EMILIN1: variants seen among roughly 807,000 people sequenced by gnomAD.
EMILIN1 encodes elastin microfibril interfacer 1, also known as EMILIN-1.
Under a neutral mutation model 82.4 loss-of-function variants are expected in EMILIN1, and 49 were observed. That is an observed-to-expected ratio of 0.59 (90% CI 0.47 to 0.75). EMILIN1 has a LOEUF of 0.75. EMILIN1 is among the 30% of genes least tolerant of loss of function. The pLI is 0.00. For synonymous variants in EMILIN1, 604 were observed against 602.2 expected (o/e 1.00, Z -0.04); for missense variants, 1,313 against 1,366.4 (o/e 0.96, Z 0.62).
At chr2:27,080,031 T>C in intron 1 of EMILIN1, 120 bp from the exon 2 acceptor site, 1 of 1,155,756 alleles carries the variant, frequency 8.7e-7, no homozygotes, top group South Asian at 1.5e-5. Flanking sequence ...GCCCTTGCTC[T>C]CACTGATCCC....
chr2:27,079,392 G>A (rs1028833716), intron 1 of EMILIN1, among the ~76,000 whole-genome samples, 157 bp downstream of exon 1: 1 of 152,176 alleles, frequency 6.6e-6, no homozygotes, highest in Non-Finnish European at 1.5e-5. Flanking sequence ...TTCCCACGGG[G>A]CCTTTTCCAG....
chr2:27,084,374 T>G, intron 4 of EMILIN1, 41 bp from the exon 5 acceptor site: 2 of 1,249,280 alleles, frequency 1.6e-6, no homozygotes, highest in African/African-American at 3.0e-5. Context: ...CATTGGAAAC[T>G]CCTTTTATGG....
chr2:27,083,978 C>A lies in EMILIN1; in HGVS notation c.2407C>A (p.Arg803Ser). The change falls in exon 4 of 8, where the codon CGT becomes AGT. Residue 803 changes from arginine (R) to serine (S), a missense_variant. By Grantham distance (110) the Arg-to-Ser change is moderately radical (BLOSUM62 -1). Coordinates refer to ENST00000380320, the MANE Select transcript of EMILIN1 (RefSeq NM_007046.4). The stretch of plus-strand genomic sequence containing the variant: ...CAGCTCCCTGCAGCTCCTGGAGGAC[C>A]GTCTGCACCAGCTCAGCCTGAAGGA... ...LNSSLQLLED[R>S]LHQLSLKDLT... is the part of the protein sequence containing the mutation. The A allele has an allele frequency of 6.5e-7, 1 of 1,538,688 alleles. No homozygotes were observed. The highest frequency in any genetic ancestry group is 1.2e-5 in the South Asian group (1 of 80,698).
rs533060824 is a variant in EMILIN1 at position 27,084,581 on chromosome 2, C to G, written c.2557+50C>G. ...CAGTCAGGGTTGCCACTGCCCCCTC[C>G]AACCCTGACCCCCGCTGGCAGCCCC... On this transcript the variant is annotated intron_variant, in intron 5 of 7. Transcript: ENST00000380320. 6 of 1,110,348 alleles carry G rather than the reference C, an allele frequency of 5.4e-6. No individual in the cohort carries two copies. The African/African-American group carries it at 9.2e-5, about 17-fold the overall frequency. 68.8% of individuals were successfully genotyped at this position (1,110,348 alleles called of 1,614,324 possible).
chr2:27,079,120 G>C lies in EMILIN1; in HGVS notation c.55G>C (p.Ala19Pro). ...CCTCTGCTGCCTGCTGACGGCAGCTGCAGGGGCCGCCAGCTACCCTCCTCG... is the reference window on the plus strand; with the variant it reads ...CCTCTGCTGCCTGCTGACGGCAGCTCCAGGGGCCGCCAGCTACCCTCCTCG... ...CYLCCLLTAA[A>P]GAASYPPRGF... The change falls in exon 1 of 8, where the codon GCA (alanine) becomes CCA (proline). Residue 19 changes from alanine to proline, a missense_variant. By Grantham distance (27) the Ala-to-Pro change is conservative (BLOSUM62 -1). Coordinates refer to ENST00000380320, the MANE Select transcript of EMILIN1 (RefSeq NM_007046.4). 2 of 1,604,952 alleles carry C rather than the reference G, an allele frequency of 1.2e-6. No individual in the cohort carries two copies. Among genetic ancestry groups the C allele is most frequent in the Non-Finnish European group, 1.7e-6 (2 of 1,176,170 alleles).
intron 4 of EMILIN1, 30 bp from the exon 5 acceptor site, chr2:27,084,385 C>A (rs757413724): frequency 8.1e-7 from 1 of 1,229,740 alleles, no homozygotes; most frequent in Non-Finnish European, 1.2e-6. Context: ...CCTTTTATGG[C>A]CCTCCTTCAA....
At position 27,082,847 on chromosome 2, in the gene EMILIN1, G is replaced by A. The variant is rs1487597063; in HGVS notation, c.1276G>A (p.Glu426Lys). 2 of 1,580,370 alleles carry A rather than the reference G, an allele frequency of 1.3e-6. No individual in the cohort carries two copies. The highest frequency in any genetic ancestry group is 1.8e-5 in the Admixed American group (1 of 55,992). The change falls in exon 4 of 8, where the codon GAG becomes AAG. Residue 426 changes from glutamate (E) to lysine (K), a missense_variant. Glu to Lys is a moderately conservative substitution (Grantham distance 56). Transcript: ENST00000380320. The part of the protein sequence containing the change: ...STLGPSEEQE[E>K]SWPGAPGGLS... The stretch of plus-strand genomic sequence containing the variant: ...CCTGGGCCCTTCGGAGGAGCAGGAG[G>A]AGAGCTGGCCTGGGGCTCCTGGGGG...
In EMILIN1 at chr2:27,085,902, G is replaced by A. The variant is rs752082598; in HGVS notation, c.2938G>A (p.Gly980Arg). 2 of 1,566,950 alleles carry A rather than the reference G, an allele frequency of 1.3e-6. No homozygotes were observed. The highest frequency in any genetic ancestry group is 2.4e-5 in the East Asian group (1 of 42,190). Residue 980 changes from glycine (G) to arginine (R), a missense_variant, in exon 8 of 8, where the codon GGG (glycine) becomes AGG (arginine). Coordinates refer to ENST00000380320, the MANE Select transcript of EMILIN1 (RefSeq NM_007046.4). ...VFSLILPLQA[G>R]DTVCVDLVMG... ...CAGCCTCATCCTGCCGCTGCAGGCC[G>A]GGGACACGGTCTGCGTCGACCTGGT... is the stretch of plus-strand genomic sequence containing the variant.
At chr2:27,080,449 C>T (rs896142966) in intron 2 of EMILIN1, among the ~76,000 whole-genome samples, 179 bp downstream of exon 2, 4 of 152,198 alleles carry the variant, frequency 2.6e-5, no homozygotes, top group Non-Finnish European at 2.9e-5. Flanking sequence ...TGAGGGCAAA[C>T]CTGCCTCACG....
At position 27,085,738 on chromosome 2, in the gene EMILIN1, G is replaced by A. The variant is rs143086287; in HGVS notation, c.2774G>A (p.Arg925Gln). ...YLLSAVLTGH[R>Q]HEKVEAVLSR... ...CTGAGCGCGGTGCTGACTGGGCACC[G>A]GCACGAGAAAGTGGAGGCCGTGCTG... Residue 925 changes from arginine (R) to glutamine (Q), a missense_variant, in exon 8 of 8, where the codon CGG becomes CAG. By Grantham distance (43) the Arg-to-Gln change is conservative. Coordinates refer to ENST00000380320, the MANE Select transcript of EMILIN1 (RefSeq NM_007046.4). The A allele has an allele frequency of 6.2e-6, 10 of 1,610,338 alleles. No individual in the cohort carries two copies. The African/African-American group carries it at 1.3e-4, about 22-fold the overall frequency.
chr2:27,085,273 G>A lies in EMILIN1; in HGVS notation c.2689G>A (p.Gly897Arg). Residue 897 changes from glycine (G) to arginine (R), a missense_variant, in exon 7 of 8, where the codon GGA (glycine) becomes AGA (arginine). Gly to Arg is a moderately radical substitution (Grantham distance 125). Transcript: ENST00000380320. ...CTTCGACAGAGTCCTGCTCAATGATGGAGGCTATTATGATCCAGAGACAGG... is the reference window on the plus strand; with the variant it reads ...CTTCGACAGAGTCCTGCTCAATGATAGAGGCTATTATGATCCAGAGACAGG... The part of the protein sequence containing the change: ...VPFDRVLLND[G>R]GYYDPETGVF... 1.2e-6 allele frequency: 2 copies of A among 1,614,102 alleles called. No homozygotes were observed. Among genetic ancestry groups the A allele is most frequent in the Non-Finnish European group, 1.7e-6 (2 of 1,180,050 alleles).
intron 7 of EMILIN1, 52 bp downstream of exon 7, chr2:27,085,349 C>G (rs1476096283): frequency 3.8e-6 from 6 of 1,599,586 alleles, no homozygotes; most frequent in Non-Finnish European, 5.1e-6. Flanking sequence ...GTGAGGTGTG[C>G]AGTGATATCT....
chr2:27,079,213 C>T lies in EMILIN1; in HGVS notation c.148C>T (p.Pro50Ser), dbSNP rs760382623. ...SPGGPQAQIA[P>S]RPASRHRNWC... ...CGGGGGGCCCCAGGCCCAGATTGCC[C>T]CCCGGCCAGCCAGCCGCCACAGGTA... is the stretch of plus-strand genomic sequence containing the variant. The change falls in exon 1 of 8, where the codon CCC (proline) becomes TCC (serine). Residue 50 changes from proline to serine, a missense_variant. By Grantham distance (74) the Pro-to-Ser change is moderately conservative. Coordinates refer to ENST00000380320, the MANE Select transcript of EMILIN1 (RefSeq NM_007046.4). The T allele has an allele frequency of 1.3e-6, 2 of 1,573,248 alleles. No individual in the cohort carries two copies. The highest frequency in any genetic ancestry group is 1.1e-5 in the South Asian group (1 of 87,224).
intron 7 of EMILIN1, 27 bp downstream of exon 7, chr2:27,085,324 C>G (rs757984833): frequency 3.1e-6 from 5 of 1,613,344 alleles, no homozygotes; most frequent in Non-Finnish European, 3.4e-6. Context: ...CTGGGTTGAA[C>G]GGTTGGAGAA....
At position 27,082,674 on chromosome 2, in the gene EMILIN1, G is replaced by T; in HGVS notation, c.1103G>T (p.Arg368Met). The change falls in exon 4 of 8, where the codon AGG (arginine) becomes ATG (methionine). Residue 368 changes from arginine to methionine, a missense_variant. Coordinates refer to ENST00000380320, the MANE Select transcript of EMILIN1 (RefSeq NM_007046.4). ...CGGCGACTGGCAGAGCTGGAGCGCAGGCTGGATGTCGTGGCCGGCTCAGTG... is the reference window on the plus strand; with the variant it reads ...CGGCGACTGGCAGAGCTGGAGCGCATGCTGGATGTCGTGGCCGGCTCAGTG... The part of the protein sequence containing the change: ...LGRRLAELER[R>M]LDVVAGSVTV... 6.4e-7 allele frequency: 1 copy of T among 1,555,002 alleles called. No individual in the cohort carries two copies.
chr2:27,080,073 G>A, intron 1 of EMILIN1, 78 bp from the exon 2 acceptor site: 1 of 1,546,680 alleles, frequency 6.5e-7, no homozygotes, highest in Non-Finnish European at 8.8e-7. Context: ...GCCTTCTTCA[G>A]CCCCTCTGGT....
At position 27,082,754 on chromosome 2, in the gene EMILIN1, G is replaced by A. The variant is rs1401382110; in HGVS notation, c.1183G>A (p.Gly395Ser). Residue 395 changes from glycine to serine, a missense_variant, in exon 4 of 8, where the codon GGC becomes AGC. Physicochemically the swap from Gly to Ser is moderately conservative, Grantham distance 56. Coordinates refer to ENST00000380320, the MANE Select transcript of EMILIN1 (RefSeq NM_007046.4). Reference sequence around the variant, plus strand: ...GCTGGGAGGAGCCGCGGGGCAGGGAGGCCACCCCCCAGGCTACACCAGCTT... The same window carrying A: ...GCTGGGAGGAGCCGCGGGGCAGGGAAGCCACCCCCCAGGCTACACCAGCTT... Reference protein sequence around the residue: ...TELGGAAGQGGHPPGYTSLAS... With the variant: ...TELGGAAGQGSHPPGYTSLAS... 5.2e-6 allele frequency: 8 copies of A among 1,541,182 alleles called. No individual in the cohort carries two copies. The highest frequency in any genetic ancestry group is 1.2e-5 in the South Asian group (1 of 84,578).
Position 27,082,813 on chromosome 2 carries a change from C to T in EMILIN1, c.1242C>T (p.Phe414=). 1 of 1,559,500 alleles carries T rather than the reference C, an allele frequency of 6.4e-7. No individual in the cohort carries two copies. The highest frequency in any genetic ancestry group is 2.3e-5 in the East Asian group (1 of 43,196). The change falls in exon 4 of 8, where the codon TTC becomes TTT. Residue 414 remains phenylalanine (F), a synonymous_variant. Coordinates refer to ENST00000380320, the MANE Select transcript of EMILIN1 (RefSeq NM_007046.4). ...GCCTGTCTCGCCTGGAGGACCGCTT[C>T]AACTCCACCCTGGGCCCTTCGGAGG... ...ASRLSRLEDR[F]NSTLGPSEEQ... is the part of the protein sequence containing the mutation.
rs1315939931 is a variant in EMILIN1, at chr2:27,080,768, C to T, written c.327C>T (p.Ala109=). The T allele has an allele frequency of 6.2e-7, 1 of 1,613,812 alleles. No individual in the cohort carries two copies. The highest frequency in any genetic ancestry group is 1.1e-5 in the South Asian group (1 of 91,032). ...RRFLRPRYRV[A]YKTVTDMEWR... ...TCCTCCGCCCTCGCTACCGTGTGGC[C>T]TACAAGACAGTGACCGACATGGAGT... Residue 109 remains alanine, a synonymous_variant, in exon 3 of 8, where the codon GCC becomes GCT. Transcript: ENST00000380320.
Sources: allele counts gnomAD v4.1 joint callset (sites outside exome capture counted in the v4.1 genomes callset), GRCh38; gene constraint gnomAD v4.1.1; transcripts MANE v1.5; gene names NCBI Gene and HGNC (gene_info 2026-07-23, HGNC 2026-07-21).